C16orf78: variants seen among roughly 807,000 people sequenced by gnomAD.
C16orf78 encodes the protein chromosome 16 open reading frame 78.
A neutral mutation model predicts 27.3 loss-of-function variants in C16orf78; 19 were observed. The ratio of observed to expected loss-of-function variants is 0.70; its 90% confidence interval spans 0.49 to 1.02. C16orf78 has a LOEUF of 1.02. Among genes scored for constraint, C16orf78 ranks in the 50% least tolerant of loss-of-function variants. The probability of loss-of-function intolerance (pLI) is 0.00; values close to 1 mark genes in which losing one functional copy is unlikely to be tolerated. For missense variants in C16orf78, 339 were observed against 337.0 expected (o/e 1.01, Z -0.05); for synonymous variants, 130 against 116.1 (o/e 1.12, Z -0.77).
intron 3 of C16orf78, among the ~76,000 whole-genome samples, chr16:49,382,833 C>T (rs1965303918): frequency 6.6e-6 from 1 of 152,194 alleles, no homozygotes; most frequent in Non-Finnish European, 1.5e-5. Flanking sequence ...CCTTCTCCAC[C>T]TAACACTTTC....
At chr16:49,388,150 C>T (rs928097250) in intron 3 of C16orf78, among the ~76,000 whole-genome samples, 1 of 151,902 alleles carries the variant, frequency 6.6e-6, no homozygotes, top group Non-Finnish European at 1.5e-5. Context: ...TTTTAAAAAC[C>T]CACAACTCCT....
chr16:49,378,253 G>A (rs1029662346), intron 2 of C16orf78, among the ~76,000 whole-genome samples: 3 of 152,130 alleles, frequency 2.0e-5, no homozygotes, highest in African/African-American at 4.8e-5. Flanking sequence ...GGACCCCTCC[G>A]ATATATGGTG....
Position 49,373,938 on chromosome 16 carries a change from C to G in C16orf78, c.-2C>G, listed in dbSNP as rs753533516. The G allele has an allele frequency of 1.2e-6, 2 of 1,614,094 alleles. No homozygotes were observed. The highest frequency in any genetic ancestry group is 1.7e-6 in the Non-Finnish European group (2 of 1,179,976). ...CACCCAAGCCACTAGCAAGACTCCA[C>G]AATGTCAGAGCAACAAATGGACCTG... On this transcript the variant is annotated 5_prime_UTR_variant, in exon 1 of 5. Coordinates refer to ENST00000299191, the MANE Select transcript of C16orf78 (RefSeq NM_144602.4).
intron 3 of C16orf78, among the ~76,000 whole-genome samples, chr16:49,385,588 GA>G (rs1271145109): frequency 3.3e-5 from 5 of 151,408 alleles, no homozygotes; most frequent in African/African-American, 1.2e-4. Flanking sequence ...CTGGGAGGCA[GA>G]GGTTGCAGTG....
rs113120010 is a variant in C16orf78, at chr16:49,392,609, G to A, written c.395-3814G>A. Among the ~76,000 whole-genome samples, 875 of 152,278 alleles carry A rather than the reference G, an allele frequency of 5.7e-3. 10 individuals are homozygous for A. Among genetic ancestry groups the A allele is most frequent in the African/African-American group, 0.02 (840 of 41,552 alleles). ...CTACATGCATCAAAAAATGTAGTAGGTAAATAGTAGGTAAATAAATAAAAC... is the reference window on the plus strand; with the variant it reads ...CTACATGCATCAAAAAATGTAGTAGATAAATAGTAGGTAAATAAATAAAAC... On this transcript the variant is annotated intron_variant, in intron 3 of 4. Transcript: ENST00000299191.
intron 1 of C16orf78, among the ~76,000 whole-genome samples, chr16:49,375,302 A>G (rs1965200501): frequency 1.3e-5 from 2 of 152,150 alleles, no homozygotes; most frequent in Admixed American, 6.5e-5. Context: ...ACTGCTACAA[A>G]GAAATACCTG....
chr16:49,376,287 C>T (rs1965217047), intron 1 of C16orf78, among the ~76,000 whole-genome samples: 2 of 152,250 alleles, frequency 1.3e-5, no homozygotes, highest in Non-Finnish European at 2.9e-5. Flanking sequence ...GCGAAGACCC[C>T]TGAGGTCTGA....
intron 3 of C16orf78, among the ~76,000 whole-genome samples, chr16:49,389,010 G>A (rs976125274): frequency 2.6e-5 from 4 of 152,104 alleles, no homozygotes; most frequent in South Asian, 2.1e-4. Flanking sequence ...ATATCTTCAC[G>A]TGCGTTTCTA....
chr16:49,379,430 T>C (rs1286944795), intron 3 of C16orf78, among the ~76,000 whole-genome samples: 1 of 140,356 alleles, frequency 7.1e-6, no homozygotes, highest in African/African-American at 3.1e-5. Context: ...CACAGGAGTC[T>C]TCAAGCAGAG....
At chr16:49,378,351 T>C in intron 2 of C16orf78, 119 bp from the exon 3 acceptor site, 1 of 1,425,418 alleles carries the variant, frequency 7.0e-7, no homozygotes, top group East Asian at 2.5e-5. Context: ...AGCTCTCTCC[T>C]TGGTTGCCTT....
chr16:49,386,193 C>G (rs1166874345), intron 3 of C16orf78, among the ~76,000 whole-genome samples: 1 of 152,066 alleles, frequency 6.6e-6, no homozygotes, highest in African/African-American at 2.4e-5. Flanking sequence ...ATCAGAGTAT[C>G]TAAATATATA....
At chr16:49,380,954 A>G (rs1148703) in intron 3 of C16orf78, among the ~76,000 whole-genome samples, 56,180 of 147,822 alleles carry the variant, frequency 0.38, 12,030 homozygotes, top group African/African-American at 0.64. Context: ...GATATGCGGC[A>G]TTATTTCTGA....
intron 3 of C16orf78, among the ~76,000 whole-genome samples, chr16:49,390,803 T>C (rs1965403546): frequency 6.6e-6 from 1 of 152,222 alleles, no homozygotes; most frequent in Non-Finnish European, 1.5e-5. Flanking sequence ...CTAAATTATC[T>C]GGTTTCTCTC....
In C16orf78 at chr16:49,374,016, G is replaced by C; in HGVS notation, c.77G>C (p.Arg26Thr). The change falls in exon 1 of 5, where the codon AGG (arginine) becomes ACG (threonine). Residue 26 changes from arginine to threonine, a missense_variant. Physicochemically the swap from Arg to Thr is moderately conservative, Grantham distance 71. Coordinates refer to ENST00000299191, the MANE Select transcript of C16orf78 (RefSeq NM_144602.4). Reference sequence around the variant, plus strand: ...TACATGTGGAAGACTGCTGAAGATAGGCGCATGTCTGACCTCACCTGTGTG... The same window carrying C: ...TACATGTGGAAGACTGCTGAAGATACGCGCATGTCTGACCTCACCTGTGTG... ...RKYMWKTAEDRRMSDLTCVLE... is the reference protein window; with the variant it reads ...RKYMWKTAEDTRMSDLTCVLE... 6 of 1,614,216 alleles carry C rather than the reference G, an allele frequency of 3.7e-6. No individual in the cohort carries two copies. The highest frequency in any genetic ancestry group is 5.1e-6 in the Non-Finnish European group (6 of 1,180,036).
chr16:49,399,406 G>C lies in C16orf78; in HGVS notation c.*128G>C. ...CATCCCTTTAGAAAGTAAGCAATCA[G>C]AAAACAAGCCTCGGCTGTGTGATCA... On this transcript the variant is annotated 3_prime_UTR_variant, in exon 5 of 5. Coordinates refer to ENST00000299191, the MANE Select transcript of C16orf78 (RefSeq NM_144602.4). The C allele has an allele frequency of 8.7e-7, 1 of 1,149,512 alleles. No homozygotes were observed. The allele number at this position is 1,149,512 out of a possible 1,614,324, so 71.2% of individuals were successfully genotyped here. A position where few individuals can be genotyped will look rare whatever the true frequency, so the allele number is the denominator to read the frequency against.
intron 3 of C16orf78, among the ~76,000 whole-genome samples, chr16:49,382,518 C>T (rs1378470277): frequency 6.6e-6 from 1 of 152,120 alleles, no homozygotes; most frequent in African/African-American, 2.4e-5. Context: ...CTCCCTTGTT[C>T]TTCAAAGTCC....
At chr16:49,395,955 A>C (rs2151616444) in intron 3 of C16orf78, among the ~76,000 whole-genome samples, 1 of 152,130 alleles carries the variant, frequency 6.6e-6, no homozygotes, top group South Asian at 2.1e-4. Context: ...AAAGAAGGAG[A>C]ACCTGGGCTA....
intron 3 of C16orf78, among the ~76,000 whole-genome samples, chr16:49,392,483 G>A (rs1390423565): frequency 1.3e-5 from 2 of 152,074 alleles, no homozygotes; most frequent in African/African-American, 4.8e-5. Flanking sequence ...GAAACAACAA[G>A]GAAACGCAAG....
rs370510955 is a variant in C16orf78 at position 49,377,750 on chromosome 16, T to C, written c.170T>C (p.Val57Ala). The stretch of plus-strand genomic sequence containing the variant: ...TTTCAGAAGCAAAAGCCCAAAGTGG[T>C]GACAGTCCTTAAACGAAATAAGAAG... ...QAPEKQKPKV[V>A]TVLKRNKKKE... The change falls in exon 2 of 5, where the codon GTG (valine) becomes GCG (alanine). Residue 57 changes from valine to alanine, a missense_variant. Val to Ala is a moderately conservative substitution (Grantham distance 64, BLOSUM62 0). Coordinates refer to ENST00000299191, the MANE Select transcript of C16orf78 (RefSeq NM_144602.4). The C allele has an allele frequency of 6.9e-6, 11 of 1,603,216 alleles. No individual in the cohort carries two copies. The highest frequency in any genetic ancestry group is 9.4e-6 in the Non-Finnish European group (11 of 1,175,124).
Sources: allele counts gnomAD v4.1 joint callset (sites outside exome capture counted in the v4.1 genomes callset), GRCh38; gene constraint gnomAD v4.1.1; transcripts MANE v1.5; gene names NCBI Gene and HGNC (gene_info 2026-07-23, HGNC 2026-07-21).